TDRD3: variants seen among roughly 807,000 people sequenced by gnomAD.
TDRD3 encodes tudor domain containing 3.
A neutral mutation model predicts 86.7 loss-of-function variants in TDRD3; 45 were observed. The observed-to-expected ratio is 0.52, with a 90% CI of 0.41 to 0.67. TDRD3 has a LOEUF of 0.67. Ranked by LOEUF, TDRD3 falls within the 30% of genes least tolerant of loss-of-function variation. The pLI, the probability that TDRD3 is intolerant of heterozygous loss-of-function variation, is 0.00. For synonymous variants in TDRD3, 298 were observed against 301.7 expected (o/e 0.99, Z 0.13); for missense variants, 814 against 889.0 (o/e 0.92, Z 1.07).
At chr13:60,416,408 C>T (rs1181331440) in intron 1 of TDRD3, among the ~76,000 whole-genome samples, 1 of 152,124 alleles carries the variant, frequency 6.6e-6, no homozygotes, top group African/African-American at 2.4e-5. Context: ...CTACTAATTC[C>T]ATTCTTAGTG....
chr13:60,445,593 A>C (rs1955379224), intron 3 of TDRD3, among the ~76,000 whole-genome samples: 1 of 152,204 alleles, frequency 6.6e-6, no homozygotes, highest in Admixed American at 6.6e-5. Context: ...GCTGGACCTC[A>C]AACAACCTCT....
intron 12 of TDRD3, among the ~76,000 whole-genome samples, chr13:60,566,108 G>A (rs2137987674): frequency 6.6e-6 from 1 of 152,152 alleles, no homozygotes; most frequent in East Asian, 1.9e-4. Context: ...TTGGCTATTG[G>A]CTTCTTTCTT....
intron 1 of TDRD3, among the ~76,000 whole-genome samples, chr13:60,417,314 C>T (rs550656694): frequency 3.3e-5 from 5 of 151,524 alleles, no homozygotes; most frequent in Admixed American, 6.6e-5. Context: ...TTGTACTTGA[C>T]CCAGTCTCAT....
chr13:60,435,338 G>A (rs1422117950), intron 1 of TDRD3, among the ~76,000 whole-genome samples: 2 of 151,990 alleles, frequency 1.3e-5, no homozygotes, highest in East Asian at 1.9e-4. Flanking sequence ...TTCTATAGTG[G>A]TGAATTCTGA....
chr13:60,507,073 A>G (rs1372297867), intron 8 of TDRD3, among the ~76,000 whole-genome samples: 3 of 152,168 alleles, frequency 2.0e-5, no homozygotes, highest in African/African-American at 7.2e-5. Flanking sequence ...CTGATGAAAC[A>G]GGCTTTAAAC....
chr13:60,544,341 G>A (rs552646861), intron 12 of TDRD3, among the ~76,000 whole-genome samples: 3 of 151,540 alleles, frequency 2.0e-5, no homozygotes, highest in African/African-American at 7.3e-5. Flanking sequence ...CTACTGAGGA[G>A]TCTGAGATGG....
rs566575790 is a variant in TDRD3 at position 60,509,378 on chromosome 13, G to A, written c.859-385G>A. 4.6e-5 allele frequency among the ~76,000 whole-genome samples: 7 copies of A among 152,076 alleles called. No individual in the cohort carries two copies. The South Asian group carries it at 1.2e-3, about 27-fold the overall frequency. ...TAGTTTACATTTTTGGAGAGGTGCT[G>A]TATGAATTACATTTCCCTTCTAGTA... On this transcript the variant is annotated intron_variant, in intron 8 of 13. Transcript: ENST00000377881.
chr13:60,435,180 G>A (rs1955059381), intron 1 of TDRD3, among the ~76,000 whole-genome samples: 1 of 152,110 alleles, frequency 6.6e-6, no homozygotes, highest in South Asian at 2.1e-4. Flanking sequence ...CTGTGAATGG[G>A]TGCCCTGTTT....
intron 4 of TDRD3, among the ~76,000 whole-genome samples, chr13:60,462,821 G>A (rs1955829632): frequency 6.6e-6 from 1 of 152,088 alleles, no homozygotes; most frequent in African/African-American, 2.4e-5. Flanking sequence ...TAGTCCCTGA[G>A]TAAAAAGAAC....
intron 12 of TDRD3, among the ~76,000 whole-genome samples, chr13:60,556,355 CT>C (rs1213705629): frequency 6.6e-6 from 1 of 152,162 alleles, no homozygotes; most frequent in East Asian, 1.9e-4. Context: ...ACCAAAATAA[CT>C]TTTCAGAAAT....
At chr13:60,532,053 A>C (rs1390405907) in intron 11 of TDRD3, among the ~76,000 whole-genome samples, 1 of 152,218 alleles carries the variant, frequency 6.6e-6, no homozygotes, top group Non-Finnish European at 1.5e-5. Context: ...TACAATTGTT[A>C]ATAAAGGTCT....
chr13:60,412,775 G>A (rs1463977851), intron 1 of TDRD3, among the ~76,000 whole-genome samples: 1 of 152,056 alleles, frequency 6.6e-6, no homozygotes, highest in African/African-American at 2.4e-5. Flanking sequence ...TGGACTGTTA[G>A]TGGTCTTTTA....
chr13:60,435,285 A>G (rs887702541), intron 1 of TDRD3, among the ~76,000 whole-genome samples: 4 of 152,064 alleles, frequency 2.6e-5, no homozygotes, highest in Non-Finnish European at 4.4e-5. Flanking sequence ...TCTTATTTCA[A>G]TAGTTTTTTT....
chr13:60,423,530 ATATT>A lies in TDRD3; in HGVS notation c.42-16157_42-16154del, dbSNP rs569945845. Among the ~76,000 whole-genome samples, 16 of 152,350 alleles carry A rather than the reference ATATT, an allele frequency of 1.1e-4. No individual in the cohort carries two copies. In the South Asian group the frequency reaches 3.1e-3, roughly 30 times the overall value. On this transcript the variant is annotated intron_variant, in intron 1 of 13. Transcript: ENST00000377881. ...TGGCACATTCACAAAAACTGATTAT[ATATT>A]ATGTCATAAGGAAAACATTAATAAC...
chr13:60,452,024 T>C (rs1246698208), intron 3 of TDRD3, among the ~76,000 whole-genome samples: 1 of 152,158 alleles, frequency 6.6e-6, no homozygotes, highest in East Asian at 1.9e-4. Context: ...CCCTGACACA[T>C]AGCATTTGCC....
chr13:60,409,901 G>C (rs1038453125), intron 1 of TDRD3, among the ~76,000 whole-genome samples: 6 of 152,182 alleles, frequency 3.9e-5, no homozygotes, highest in Admixed American at 6.5e-5. Flanking sequence ...TGGTTTGGCT[G>C]TGTCTCCACC....
At chr13:60,465,334 G>A (rs1296173437) in intron 4 of TDRD3, among the ~76,000 whole-genome samples, 1 of 152,154 alleles carries the variant, frequency 6.6e-6, no homozygotes, top group Non-Finnish European at 1.5e-5. Context: ...TGAATTTGCT[G>A]ATTGTCTGGA....
intron 5 of TDRD3, among the ~76,000 whole-genome samples, chr13:60,481,026 G>T (rs1048326128): frequency 3.3e-5 from 5 of 152,104 alleles, no homozygotes; most frequent in African/African-American, 1.2e-4. Flanking sequence ...CAGGTGGGAA[G>T]TTTTCTGAAG....
chr13:60,571,167 TA>T (rs1316095542), intron 13 of TDRD3, among the ~76,000 whole-genome samples: 20 of 152,166 alleles, frequency 1.3e-4, no homozygotes, highest in Non-Finnish European at 2.6e-4. Flanking sequence ...CCCTAAAAAA[TA>T]AGACATGTAA....
Sources: allele counts gnomAD v4.1 joint callset (sites outside exome capture counted in the v4.1 genomes callset), GRCh38; gene constraint gnomAD v4.1.1; transcripts MANE v1.5; gene names NCBI Gene and HGNC (gene_info 2026-07-23, HGNC 2026-07-21).